The following CYB5R3 variants were observed in gnomAD, a reference collection of about 807,000 sequenced individuals.
The protein encoded by CYB5R3 is NADH-cytochrome b5 reductase 3.
Under a neutral mutation model 36.5 loss-of-function variants are expected in CYB5R3, and 28 were observed. The observed-to-expected ratio is 0.77, with a 90% confidence interval of 0.57 to 1.05. The LOEUF is 1.05. CYB5R3 is among the 50% of genes least tolerant of loss of function. CYB5R3 has a pLI of 0.00. For missense variants in CYB5R3, 474 were observed against 408.9 expected (o/e 1.16, Z -1.37); for synonymous variants, 181 against 159.8 (o/e 1.13, Z -1.00).
At position 42,627,154 on chromosome 22, in the gene CYB5R3, C is replaced by T. The variant is rs554586017; in HGVS notation, c.633+150G>A. On this transcript the variant is annotated intron_variant, in intron 7 of 8. Coordinates refer to ENST00000352397, the MANE Select transcript of CYB5R3 (RefSeq NM_000398.7). ...CTGCCCGCCGTGCTGCTGCCAAGGC[C>T]GCCAGTGCACAGAACATTCAGGGCC... 1.8e-5 allele frequency: 13 copies of T among 733,916 alleles called. 1 individual carries two copies. Among genetic ancestry groups the T allele is most frequent in the South Asian group, 4.5e-5 (3 of 66,584 alleles). The allele number at this position is 733,916 out of a possible 1,614,324, so 45.5% of individuals were successfully genotyped here. A position where few individuals can be genotyped will look rare whatever the true frequency, so the allele number is the denominator to read the frequency against.
At chr22:42,646,935 G>A (rs1929565946) in intron 1 of CYB5R3, 2 of 985,566 alleles carry the variant, frequency 2.0e-6, no homozygotes, top group South Asian at 4.7e-5. Context: ...CTGGGAGGCA[G>A]GGGAACCACA....
intron 8 of CYB5R3, among the ~76,000 whole-genome samples, chr22:42,622,320 C>A (rs565439822): frequency 6.6e-6 from 1 of 152,110 alleles, no homozygotes; most frequent in African/African-American, 2.4e-5. Flanking sequence ...CTTGGCCCCC[C>A]ACATCACAGG....
At chr22:42,647,169 G>T (rs2267458) in intron 1 of CYB5R3, 1 of 164,022 alleles carries the variant, frequency 6.1e-6, no homozygotes, top group Non-Finnish European at 1.3e-5. Flanking sequence ...AGACATTCTG[G>T]GCCAAGCGAG....
At chr22:42,628,058 A>C in intron 5 of CYB5R3, 94 bp downstream of exon 5, 2 of 1,556,558 alleles carry the variant, frequency 1.3e-6, no homozygotes, top group South Asian at 2.2e-5. Flanking sequence ...ACCCATCCAC[A>C]CAGAGCCAGG....
chr22:42,630,937 G>T lies in CYB5R3; in HGVS notation c.278C>A (p.Pro93His), dbSNP rs751286514. 29 of 1,613,962 alleles carry T rather than the reference G, an allele frequency of 1.8e-5. No individual in the cohort carries two copies. The highest frequency in any genetic ancestry group is 2.2e-5 in the Non-Finnish European group (26 of 1,180,006). Residue 93 changes from proline to histidine, a missense_variant, in exon 4 of 9, where the codon CCC (proline) becomes CAC (histidine). By Grantham distance (77) the Pro-to-His change is moderately conservative. Coordinates refer to ENST00000352397, the MANE Select transcript of CYB5R3 (RefSeq NM_000398.7). ...ATCATCGCTGGAGATGGGTGTATAGGGCCGGACGACCAGGTTTCCATCAAT... is the reference window on the plus strand; with the variant it reads ...ATCATCGCTGGAGATGGGTGTATAGTGCCGGACGACCAGGTTTCCATCAAT... Reference protein sequence around the residue: ...ARIDGNLVVRPYTPISSDDDK... With the variant: ...ARIDGNLVVRHYTPISSDDDK...
intron 2 of CYB5R3, among the ~76,000 whole-genome samples, chr22:42,634,048 A>C (rs565718136): frequency 6.6e-6 from 1 of 152,278 alleles, no homozygotes; most frequent in African/African-American, 2.4e-5. Context: ...GCCTGCTTAC[A>C]TAAGTATAAA....
intron 2 of CYB5R3, 130 bp downstream of exon 2, chr22:42,636,585 C>T (rs1325678369): frequency 3.5e-6 from 5 of 1,440,640 alleles, no homozygotes; most frequent in Non-Finnish European, 4.7e-6. Context: ...GAGACATCAC[C>T]TTGCTTTCTC....
chr22:42,636,643 T>C (rs1480380297), intron 2 of CYB5R3, 72 bp downstream of exon 2: 2 of 1,583,260 alleles, frequency 1.3e-6, no homozygotes, highest in Non-Finnish European at 1.7e-6. Flanking sequence ...AGCAGGACCA[T>C]GCCCTGAGCA....
intron 6 of CYB5R3, 92 bp from the exon 7 acceptor site, chr22:42,627,481 G>A: frequency 6.7e-7 from 1 of 1,489,430 alleles, no homozygotes; most frequent in Non-Finnish European, 9.3e-7. Flanking sequence ...GAGGGGCCAG[G>A]ACCACTGGGC....
intron 4 of CYB5R3, among the ~76,000 whole-genome samples, chr22:42,629,736 G>C (rs1016013937): frequency 6.6e-6 from 1 of 152,176 alleles, no homozygotes; most frequent in African/African-American, 2.4e-5. Context: ...ATTGGGGAGG[G>C]TCTCCAACAC....
chr22:42,642,698 A>G (rs967189429), intron 1 of CYB5R3, among the ~76,000 whole-genome samples: 1 of 152,212 alleles, frequency 6.6e-6, no homozygotes, highest in Non-Finnish European at 1.5e-5. Flanking sequence ...TCAGCCTCCC[A>G]AAGTGCTGGG....
chr22:42,643,644 C>T (rs1929395840), intron 1 of CYB5R3, among the ~76,000 whole-genome samples: 1 of 152,150 alleles, frequency 6.6e-6, no homozygotes, highest in Non-Finnish European at 1.5e-5. Context: ...CTAGCCCACC[C>T]CTCACCCATG....
At chr22:42,640,012 T>TA (rs754250757) in intron 1 of CYB5R3, 1 of 1,613,020 alleles carries the variant, frequency 6.2e-7, no homozygotes, top group African/African-American at 1.3e-5. Context: ...CTCTCTGACA[T>TA]AAAACCACGT....
At position 42,619,527 on chromosome 22, in the gene CYB5R3, C is replaced by T. The variant is rs1374571248; in HGVS notation, c.*246G>A. The T allele has an allele frequency of 1.8e-5, 10 of 567,010 alleles. No individual in the cohort carries two copies. Among genetic ancestry groups the T allele is most frequent in the East Asian group, 3.0e-5 (1 of 33,824 alleles). 35.1% of individuals were successfully genotyped at this position (567,010 alleles called of 1,614,324 possible). A position where few individuals can be genotyped will look rare whatever the true frequency, so the allele number is the denominator to read the frequency against. On this transcript the variant is annotated 3_prime_UTR_variant, in exon 9 of 9. Coordinates refer to ENST00000352397, the MANE Select transcript of CYB5R3 (RefSeq NM_000398.7). Reference sequence around the variant, plus strand: ...TCATGAGGACAGGGATGGGGCTGGGCGTCTCTGGTAAGGACCAGTAAGTGC... The same window carrying T: ...TCATGAGGACAGGGATGGGGCTGGGTGTCTCTGGTAAGGACCAGTAAGTGC...
intron 2 of CYB5R3, among the ~76,000 whole-genome samples, 163 bp downstream of exon 2, chr22:42,636,552 C>T (rs1928901528): frequency 6.6e-6 from 1 of 152,208 alleles, no homozygotes; most frequent in South Asian, 2.1e-4. Context: ...AATTCCTCTG[C>T]TACTTCCTGG....
chr22:42,620,554 T>G (rs956843848), intron 8 of CYB5R3, among the ~76,000 whole-genome samples: 14 of 152,028 alleles, frequency 9.2e-5, no homozygotes, highest in Non-Finnish European at 1.8e-4. Context: ...GTCTCTATCC[T>G]TAGTAACCAG....
At chr22:42,628,378 T>G in intron 4 of CYB5R3, 97 bp from the exon 5 acceptor site, 2 of 1,499,034 alleles carry the variant, frequency 1.3e-6, no homozygotes, top group Non-Finnish European at 9.2e-7. Context: ...TGCAGCTTCT[T>G]CTGAGGCCCA....
intron 4 of CYB5R3, among the ~76,000 whole-genome samples, chr22:42,629,693 C>T (rs1769854355): frequency 1.3e-5 from 2 of 152,202 alleles, no homozygotes. Context: ...CCTGAGGGTG[C>T]TGGGCTGGGG....
chr22:42,631,078 G>A lies in CYB5R3; in HGVS notation c.227-90C>T, dbSNP rs8190433. 4,221 of 1,192,644 alleles carry A rather than the reference G, an allele frequency of 3.5e-3. 106 individuals are homozygous for A. The African/African-American group carries it at 0.055, about 16-fold the overall frequency. The allele number at this position is 1,192,644 out of a possible 1,614,324, so 73.9% of individuals were successfully genotyped here. ...CAACCCACTCCCCTGCACCCCACCC[G>A]GCATTCAAAGCCTGGCCTGGCGTCA... On this transcript the variant is annotated intron_variant, in intron 3 of 8. Transcript: ENST00000352397.
Sources: gnomAD v4.1 joint callset for allele counts (sites outside exome capture counted in the v4.1 genomes callset) on GRCh38, gnomAD v4.1.1 for gene constraint, MANE v1.5 for transcripts, NCBI Gene and HGNC (gene_info 2026-07-23, HGNC 2026-07-21) for gene names.